DR1: variants seen among roughly 807,000 people sequenced by gnomAD.
DR1 encodes down-regulator of transcription 1.
In DR1, 7 loss-of-function variants were observed where a neutral mutation model predicts 19.9. The observed-to-expected ratio is 0.35, with a 90% CI of 0.20 to 0.66. The LOEUF is 0.66. Among genes scored for constraint, DR1 ranks in the 30% least tolerant of loss-of-function variants. The pLI is 0.66. For missense variants in DR1, 98 were observed against 203.7 expected, an observed-to-expected ratio of 0.48 and a Z score of 3.16; for synonymous variants, 76 against 72.5, an observed-to-expected ratio of 1.05 and a Z score of -0.24.
At chr1:93,356,193 A>G (rs1027144774) in intron 2 of DR1, among the ~76,000 whole-genome samples, 4 of 151,650 alleles carry the variant, frequency 2.6e-5, no homozygotes, top group African/African-American at 7.3e-5. Flanking sequence ...AAAATGTTCA[A>G]TTTGTGGAAA....
Position 93,346,380 on chromosome 1 carries a change from C to T in DR1, c.-266C>T, listed in dbSNP as rs1301400958. On this transcript the variant is annotated 5_prime_UTR_variant, in exon 1 of 3. Coordinates refer to ENST00000370272, the MANE Select transcript of DR1 (RefSeq NM_001938.3). ...CCAGCCGCTCAAATTTCCGGACCAC[C>T]GCGCTTTCCCCTCCTCAGCCTGGGC... 1 of 472,354 alleles carries T rather than the reference C, an allele frequency of 2.1e-6. No homozygotes were observed. The highest frequency in any genetic ancestry group is 3.9e-6 in the Non-Finnish European group (1 of 258,674). 29.3% of individuals were successfully genotyped at this position (472,354 alleles called of 1,614,324 possible).
At chr1:93,353,860 A>G in intron 1 of DR1, 48 bp from the exon 2 acceptor site, 1 of 1,494,188 alleles carries the variant, frequency 6.7e-7, no homozygotes, top group Non-Finnish European at 9.0e-7. Context: ...GTTGGGGGAA[A>G]GCTGTGTTTT....
Position 93,346,310 on chromosome 1 carries a change from TAGGCG to T in DR1, c.-334_-330del, listed in dbSNP as rs1424938170. On this transcript the variant is annotated 5_prime_UTR_variant, in exon 1 of 3. Transcript: ENST00000370272. The stretch of plus-strand genomic sequence containing the variant: ...TGCTCCGACGCCGTTGGGGACCAGT[TAGGCG>T]ACAGCGCCCGCCCCTCTGAGGAGAC... 2 of 338,560 alleles carry T rather than the reference TAGGCG, an allele frequency of 5.9e-6. No homozygotes were observed. Among genetic ancestry groups the T allele is most frequent in the Non-Finnish European group, 1.1e-5 (2 of 176,726 alleles). 21.0% of individuals were successfully genotyped at this position (338,560 alleles called of 1,614,324 possible). A position where few individuals can be genotyped will look rare whatever the true frequency, so the allele number is the denominator to read the frequency against.
At chr1:93,357,359 CACCAAGCAAGG>C (rs1667001279) in intron 2 of DR1, among the ~76,000 whole-genome samples, 1 of 152,004 alleles carries the variant, frequency 6.6e-6, no homozygotes, top group Non-Finnish European at 1.5e-5. Flanking sequence ...CTGTGTTACC[CACCAAGCAAGG>C]TGGCACCTTC....
Position 93,362,443 on chromosome 1 carries a change from T to TC in DR1, c.*1804_*1805insC, listed in dbSNP as rs1191697955. ...AACTTAGATATTTTCCACACCTTTT[T>TC]TTTTTTTTCTGATGCAGAGTTCAGG... is the stretch of plus-strand genomic sequence containing the variant. On this transcript the variant is annotated 3_prime_UTR_variant, in exon 3 of 3. Transcript: ENST00000370272. 2.0e-5 allele frequency: 3 copies of TC among 151,982 alleles called. No individual in the cohort carries two copies. The highest frequency in any genetic ancestry group is 4.4e-5 in the Non-Finnish European group (3 of 67,784). 9.4% of individuals were successfully genotyped at this position (151,982 alleles called of 1,614,324 possible).
rs1667051846 is a variant in DR1, at chr1:93,361,479, C to T, written c.*840C>T. ...ATAGGTGGTACTTTTGAAACAATTA[C>T]ATTGGTTCTCTTGGTTTAACTGAGG... is the stretch of plus-strand genomic sequence containing the variant. On this transcript the variant is annotated 3_prime_UTR_variant, in exon 3 of 3. Coordinates refer to ENST00000370272, the MANE Select transcript of DR1 (RefSeq NM_001938.3). The T allele has an allele frequency of 6.6e-6, 1 of 152,468 alleles. No homozygotes were observed. The highest frequency in any genetic ancestry group is 1.5e-5 in the Non-Finnish European group (1 of 67,948). 9.4% of individuals were successfully genotyped at this position (152,468 alleles called of 1,614,324 possible).
intron 2 of DR1, among the ~76,000 whole-genome samples, chr1:93,356,598 G>A (rs1367095423): frequency 6.6e-6 from 1 of 151,988 alleles, no homozygotes; most frequent in Non-Finnish European, 1.5e-5. Flanking sequence ...GAAATTATTT[G>A]AATTTTTTCC....
At chr1:93,349,811 C>T (rs1370570664) in intron 1 of DR1, among the ~76,000 whole-genome samples, 1 of 152,094 alleles carries the variant, frequency 6.6e-6, no homozygotes, top group Non-Finnish European at 1.5e-5. Context: ...AAGACCAACA[C>T]TCAATTTTTT....
intron 1 of DR1, among the ~76,000 whole-genome samples, chr1:93,353,631 T>G (rs1666944024): frequency 6.6e-6 from 1 of 152,238 alleles, no homozygotes; most frequent in African/African-American, 2.4e-5. Flanking sequence ...AGGAAATGCT[T>G]TGGTCTTTTA....
At chr1:93,352,322 G>C (rs963137288) in intron 1 of DR1, among the ~76,000 whole-genome samples, 1 of 152,124 alleles carries the variant, frequency 6.6e-6, no homozygotes, top group African/African-American at 2.4e-5. Context: ...TGCCTGCCTT[G>C]GTCTCCCAAA....
chr1:93,351,139 A>C (rs1204280841), intron 1 of DR1, among the ~76,000 whole-genome samples: 5 of 152,190 alleles, frequency 3.3e-5, no homozygotes, highest in Admixed American at 6.5e-5. Flanking sequence ...AATGTAAAAT[A>C]TCTCTCTATT....
At chr1:93,346,938 G>A in intron 1 of DR1, 73 bp downstream of exon 1, 8 of 1,328,210 alleles carry the variant, frequency 6.0e-6, no homozygotes, top group Non-Finnish European at 8.4e-6. Context: ...ACCCTTTCGT[G>A]TCAAAGCCTC....
intron 2 of DR1, among the ~76,000 whole-genome samples, chr1:93,357,123 A>C (rs957896118): frequency 6.6e-5 from 10 of 152,090 alleles, no homozygotes; most frequent in Non-Finnish European, 1.5e-4. Context: ...TATTTTTCCT[A>C]TTTCTTTACA....
At chr1:93,354,614 AAG>A (rs1253146865) in intron 2 of DR1, among the ~76,000 whole-genome samples, 1 of 152,204 alleles carries the variant, frequency 6.6e-6, no homozygotes, top group Non-Finnish European at 1.5e-5. Flanking sequence ...CTGTTTCAAA[AAG>A]AGAAGGGAGG....
rs1009596718 is a variant in DR1 at position 93,365,789 on chromosome 1, C to T, written c.*5150C>T. 6 of 152,198 alleles carry T rather than the reference C, an allele frequency of 3.9e-5. No individual in the cohort carries two copies. Among genetic ancestry groups the T allele is most frequent in the Non-Finnish European group, 7.3e-5 (5 of 68,042 alleles). The allele number at this position is 152,198 out of a possible 1,614,324, so 9.4% of individuals were successfully genotyped here. A position where few individuals can be genotyped will look rare whatever the true frequency, so the allele number is the denominator to read the frequency against. On this transcript the variant is annotated 3_prime_UTR_variant, in exon 3 of 3. Transcript: ENST00000370272. ...CTGCTGATCCCTTTACCCGATAGGA[C>T]CTAGAGCAGCCATTATAAATCTCTG...
At chr1:93,355,785 T>C (rs984564255) in intron 2 of DR1, 5 of 152,228 alleles carry the variant, frequency 3.3e-5, no homozygotes, top group African/African-American at 1.2e-4. Context: ...GGTAATATTA[T>C]AGCAGTTGCC....
At position 93,368,084 on chromosome 1, in the gene DR1, C is replaced by A. The variant is rs888691125; in HGVS notation, c.*7445C>A. On this transcript the variant is annotated 3_prime_UTR_variant, in exon 3 of 3. Transcript: ENST00000370272. Reference sequence around the variant, plus strand: ...GTGATATGAACAATGAGGATCAACTCTTTTTGTAATAGTTTTTTTACATAT... The same window carrying A: ...GTGATATGAACAATGAGGATCAACTATTTTTGTAATAGTTTTTTTACATAT... The A allele has an allele frequency of 1.3e-5, 2 of 152,124 alleles. No homozygotes were observed. The highest frequency in any genetic ancestry group is 4.8e-5 in the African/African-American group (2 of 41,426). The allele number at this position is 152,124 out of a possible 1,614,324, so 9.4% of individuals were successfully genotyped here. A position where few individuals can be genotyped will look rare whatever the true frequency, so the allele number is the denominator to read the frequency against.
At chr1:93,349,254 C>T (rs1227209646) in intron 1 of DR1, among the ~76,000 whole-genome samples, 7 of 151,944 alleles carry the variant, frequency 4.6e-5, no homozygotes, top group Admixed American at 3.3e-4. Flanking sequence ...TATGAAATAA[C>T]TTATTTAAAA....
In DR1 at chr1:93,362,251, A is replaced by G. The variant is rs1215004920; in HGVS notation, c.*1612A>G. 6.6e-6 allele frequency: 1 copy of G among 152,434 alleles called. No homozygotes were observed. The highest frequency in any genetic ancestry group is 2.4e-5 in the African/African-American group (1 of 41,436). 9.4% of individuals were successfully genotyped at this position (152,434 alleles called of 1,614,324 possible). A position where few individuals can be genotyped will look rare whatever the true frequency, so the allele number is the denominator to read the frequency against. On this transcript the variant is annotated 3_prime_UTR_variant, in exon 3 of 3. Transcript: ENST00000370272. Reference sequence around the variant, plus strand: ...GTTGAAGTTACTTCATGGATGTCATACCCATGAAGTGCATTTGGATGAGAT... The same window carrying G: ...GTTGAAGTTACTTCATGGATGTCATGCCCATGAAGTGCATTTGGATGAGAT...
Sources: gnomAD v4.1 joint callset for allele counts (sites outside exome capture counted in the v4.1 genomes callset) on GRCh38, gnomAD v4.1.1 for gene constraint, MANE v1.5 for transcripts, NCBI Gene and HGNC (gene_info 2026-07-23, HGNC 2026-07-21) for gene names.